SERINC5: variants seen among roughly 807,000 people sequenced by gnomAD.
SERINC5 encodes chromosome 5 open reading frame 12.
A neutral mutation model predicts 63.1 loss-of-function variants in SERINC5; 41 were observed. That is an observed-to-expected ratio of 0.65 (90% CI 0.51 to 0.84). The LOEUF is 0.84. Ranked by LOEUF, SERINC5 falls within the 40% of genes least tolerant of loss-of-function variation. SERINC5 has a pLI of 0.00. For synonymous variants in SERINC5, 222 were observed against 215.2 expected, an observed-to-expected ratio of 1.03 and a Z score of -0.28; for missense variants, 523 against 573.0, an observed-to-expected ratio of 0.91 and a Z score of 0.89.
intron 6 of SERINC5, among the ~76,000 whole-genome samples, chr5:80,167,581 C>A (rs1273117244): frequency 6.6e-6 from 1 of 152,126 alleles, no homozygotes; most frequent in African/African-American, 2.4e-5. Context: ...TGGGTATATA[C>A]CCAGTAATGA....
At chr5:80,189,102 G>A (rs1310064894) in intron 2 of SERINC5, among the ~76,000 whole-genome samples, 1 of 152,090 alleles carries the variant, frequency 6.6e-6, no homozygotes, top group Admixed American at 6.5e-5. Context: ...GTGTTGAGAA[G>A]GACAGAAGCT....
chr5:80,254,726 T>G (rs1290611795), intron 1 of SERINC5, among the ~76,000 whole-genome samples: 2 of 152,102 alleles, frequency 1.3e-5, no homozygotes, highest in Non-Finnish European at 2.9e-5. Flanking sequence ...GGAAAAAAAA[T>G]CATTTCGTCT....
intron 1 of SERINC5, among the ~76,000 whole-genome samples, chr5:80,254,200 A>G (rs1258458829): frequency 6.6e-6 from 1 of 151,556 alleles, no homozygotes; most frequent in East Asian, 2.0e-4. Context: ...CTGGGATTAC[A>G]GGCATGAGCC....
At chr5:80,188,752 G>A (rs1454332101) in intron 2 of SERINC5, among the ~76,000 whole-genome samples, 2 of 152,098 alleles carry the variant, frequency 1.3e-5, no homozygotes, top group African/African-American at 4.8e-5. Flanking sequence ...GCCAGGCATA[G>A]TGGTGCACGC....
chr5:80,155,204 C>T (rs896398857), intron 8 of SERINC5, among the ~76,000 whole-genome samples: 5 of 152,142 alleles, frequency 3.3e-5, no homozygotes, highest in Admixed American at 6.5e-5. Context: ...AGAAATAGTT[C>T]GTGGAGGCCA....
intron 11 of SERINC5, among the ~76,000 whole-genome samples, chr5:80,122,254 CCCACAATAGG>C (rs1744578877): frequency 6.7e-6 from 1 of 148,822 alleles, no homozygotes; most frequent in Admixed American, 6.7e-5. Context: ...ATCACAACGT[CCCACAATAGG>C]CCATCTGCAG....
In SERINC5 at chr5:80,140,436, T is replaced by A; in HGVS notation, c.*3227A>T. The A allele has an allele frequency of 1.0e-6, 1 of 984,562 alleles. No homozygotes were observed. Among genetic ancestry groups the A allele is most frequent in the Non-Finnish European group, 1.2e-6 (1 of 829,760 alleles). The allele number at this position is 984,562 out of a possible 1,614,324, so 61.0% of individuals were successfully genotyped here. A position where few individuals can be genotyped will look rare whatever the true frequency, so the allele number is the denominator to read the frequency against. On this transcript the variant is annotated 3_prime_UTR_variant, in exon 12 of 12. Coordinates refer to ENST00000507668, the MANE Select transcript of SERINC5 (RefSeq NM_001174072.3). ...GGAATCGGAAATAAACAATGTTGTA[T>A]GGAAACAGAACCCCAAAACCCCAAT...
At chr5:80,249,079 C>T (rs935697727) in intron 1 of SERINC5, among the ~76,000 whole-genome samples, 2 of 152,094 alleles carry the variant, frequency 1.3e-5, no homozygotes, top group African/African-American at 4.8e-5. Flanking sequence ...CTTTGGGAGG[C>T]CAAGGCGGGT....
At chr5:80,234,710 G>A (rs868544017) in intron 1 of SERINC5, among the ~76,000 whole-genome samples, 6 of 152,114 alleles carry the variant, frequency 3.9e-5, no homozygotes, top group Middle Eastern at 3.4e-3. Context: ...TGTAACCACC[G>A]GTGGCAGTTT....
At chr5:80,212,643 C>T (rs1750484462) in intron 1 of SERINC5, among the ~76,000 whole-genome samples, 1 of 127,152 alleles carries the variant, frequency 7.9e-6, no homozygotes, top group Non-Finnish European at 1.6e-5. Flanking sequence ...TTTCTTCCCA[C>T]TACAAAAGGG....
chr5:80,144,651 C>G (rs1745705837), intron 11 of SERINC5, among the ~76,000 whole-genome samples: 1 of 152,174 alleles, frequency 6.6e-6, no homozygotes, highest in African/African-American at 2.4e-5. Context: ...TCTCTCCAAT[C>G]ACTGTGCTTG....
intron 2 of SERINC5, among the ~76,000 whole-genome samples, chr5:80,191,481 A>G (rs1423089782): frequency 8.9e-6 from 1 of 112,656 alleles, no homozygotes; most frequent in Non-Finnish European, 1.9e-5. Flanking sequence ...CATCTCTACA[A>G]AAAAAAAAAA....
Position 80,203,040 on chromosome 5 carries a change from C to G in SERINC5, c.41G>C (p.Cys14Ser), listed in dbSNP as rs1367622492. 1 of 1,608,386 alleles carries G rather than the reference C, an allele frequency of 6.2e-7. No homozygotes were observed. Among genetic ancestry groups the G allele is most frequent in the African/African-American group, 1.3e-5 (1 of 74,888 alleles). The change falls in exon 2 of 12, where the codon TGT (cysteine) becomes TCT (serine). Residue 14 changes from cysteine to serine, a missense_variant. Coordinates refer to ENST00000507668, the MANE Select transcript of SERINC5 (RefSeq NM_001174072.3). ...GCAGAGAGAGCAGCCTGCAGACCCA[C>G]AGCAGCAGGCCAGCTAGAAAAGGAA... ...QCCAGQLACC[C>S]GSAGCSLCCD...
At chr5:80,166,313 CA>C (rs1458659557) in intron 7 of SERINC5, 69 bp downstream of exon 7, 11 of 1,083,804 alleles carry the variant, frequency 1.0e-5, no homozygotes, top group Non-Finnish European at 1.5e-5. Flanking sequence ...AATATTTAAA[CA>C]ATAGCTCATT....
intron 1 of SERINC5, among the ~76,000 whole-genome samples, chr5:80,237,521 G>T (rs1751750814): frequency 6.6e-6 from 1 of 151,722 alleles, no homozygotes; most frequent in East Asian, 2.0e-4. Flanking sequence ...TTTTTGTAGA[G>T]ATGGGGTTTC....
chr5:80,185,166 C>T (rs1748720304), intron 2 of SERINC5, among the ~76,000 whole-genome samples: 1 of 152,140 alleles, frequency 6.6e-6, no homozygotes, highest in South Asian at 2.1e-4. Context: ...TGAGCCACCG[C>T]ATGCAGGCTG....
intron 1 of SERINC5, among the ~76,000 whole-genome samples, chr5:80,230,417 G>A (rs1206085358): frequency 1.6e-5 from 2 of 127,906 alleles, no homozygotes; most frequent in Non-Finnish European, 3.1e-5. Context: ...CCAGGATCCC[G>A]CCACTGCATT....
At chr5:80,250,808 C>T (rs1397763924) in intron 1 of SERINC5, among the ~76,000 whole-genome samples, 3 of 152,166 alleles carry the variant, frequency 2.0e-5, no homozygotes, top group African/African-American at 4.8e-5. Flanking sequence ...GCATTTACAG[C>T]GACCAACCCT....
At chr5:80,121,877 C>G (rs13167875) in intron 11 of SERINC5, among the ~76,000 whole-genome samples, 45,834 of 151,722 alleles carry the variant, frequency 0.3, 7,365 homozygotes, top group Non-Finnish European at 0.37. Flanking sequence ...CACTCATTAC[C>G]TCGGGGAGGG....
Sources: allele counts gnomAD v4.1 joint callset (sites outside exome capture counted in the v4.1 genomes callset), GRCh38; gene constraint gnomAD v4.1.1; transcripts MANE v1.5; gene names NCBI Gene and HGNC (gene_info 2026-07-23, HGNC 2026-07-21).